The following NUP107 variants were observed in gnomAD, a reference collection of about 807,000 sequenced individuals.
NUP107 encodes the protein nucleoporin 107.
In NUP107, 101 loss-of-function variants were observed where a neutral mutation model predicts 141.0. The ratio of observed to expected loss-of-function variants is 0.72; its 90% confidence interval spans 0.61 to 0.84. NUP107 has a LOEUF of 0.84. Ranked by LOEUF, NUP107 falls within the 40% of genes least tolerant of loss-of-function variation. NUP107 has a pLI of 0.00. For missense variants in NUP107, 941 were observed against 1,102.7 expected, an observed-to-expected ratio of 0.85 and a Z score of 2.08; for synonymous variants, 319 against 363.9, an observed-to-expected ratio of 0.88 and a Z score of 1.41.
intron 1 of NUP107, chr12:68,687,686 A>T: frequency 1.0e-6 from 1 of 972,140 alleles, no homozygotes; most frequent in Non-Finnish European, 1.2e-6. Context: ...TTGAATAATA[A>T]GAGTACATTA....
chr12:68,706,972 T>C (rs1876613481), intron 8 of NUP107: 1 of 644,448 alleles, frequency 1.6e-6, no homozygotes, highest in African/African-American at 1.8e-5. Flanking sequence ...CGGGCTCCAG[T>C]TCCTTCAGCT....
intron 5 of NUP107, among the ~76,000 whole-genome samples, chr12:68,694,871 C>G (rs914013387): frequency 6.6e-6 from 1 of 152,162 alleles, no homozygotes; most frequent in Non-Finnish European, 1.5e-5. Context: ...ATTGCACCTC[C>G]ATCCTGGGCA....
intron 24 of NUP107, 75 bp downstream of exon 24, chr12:68,733,687 T>C (rs1877945169): frequency 6.8e-7 from 1 of 1,471,434 alleles, no homozygotes; most frequent in East Asian, 2.3e-5. Flanking sequence ...AGTTTGAACT[T>C]TTTTCTAGAA....
intron 15 of NUP107, 37 bp downstream of exon 15, chr12:68,721,214 G>T: frequency 7.3e-7 from 1 of 1,366,376 alleles, no homozygotes; most frequent in Non-Finnish European, 1.0e-6. Context: ...TTTTTTCTGT[G>T]GAGTAAAATT....
chr12:68,688,552 A>G (rs1392238125), intron 1 of NUP107, among the ~76,000 whole-genome samples: 1 of 152,146 alleles, frequency 6.6e-6, no homozygotes, highest in East Asian at 1.9e-4. Flanking sequence ...AATAGTACCC[A>G]TGGTTTAAAG....
intron 9 of NUP107, among the ~76,000 whole-genome samples, chr12:68,709,743 G>T (rs566417068): frequency 1.3e-5 from 2 of 152,104 alleles, no homozygotes; most frequent in East Asian, 1.9e-4. Context: ...AAAAAAATTA[G>T]CTGGGTGTGG....
intron 7 of NUP107, 87 bp downstream of exon 7, chr12:68,700,940 C>A: frequency 1.5e-6 from 2 of 1,328,084 alleles, no homozygotes; most frequent in Non-Finnish European, 2.0e-6. Context: ...GTAGGTCGTG[C>A]TTGGAAATAG....
rs757242634 is a variant in NUP107 at position 68,692,079 on chromosome 12, G to A, written c.415G>A (p.Val139Ile). 75 of 1,608,468 alleles carry A rather than the reference G, an allele frequency of 4.7e-5. No homozygotes were observed. Among genetic ancestry groups the A allele is most frequent in the Non-Finnish European group, 5.6e-5 (66 of 1,178,380 alleles). ...AACAGAAGATGTAACTATCAGTGCT[G>A]TTATGTTACGTGAGGATGATCCTGG... is the stretch of plus-strand genomic sequence containing the variant. Reference protein sequence around the residue: ...SITEDVTISAVMLREDDPGEA... With the variant: ...SITEDVTISAIMLREDDPGEA... The change falls in exon 5 of 28, where the codon GTT (valine) becomes ATT (isoleucine). Residue 139 changes from valine (V) to isoleucine (I), a missense_variant. Physicochemically the swap from Val to Ile is conservative, Grantham distance 29. Transcript: ENST00000229179.
At chr12:68,736,717 C>CTT (rs10713889) in intron 26 of NUP107, among the ~76,000 whole-genome samples, 18,337 of 105,666 alleles carry the variant, frequency 0.17, 1,958 homozygotes, top group Non-Finnish European at 0.22. Flanking sequence ...GTGTCGCCAC[C>CTT]TTTTTTTTTT....
chr12:68,735,581 A>G (rs981928683), intron 26 of NUP107, among the ~76,000 whole-genome samples: 2 of 152,226 alleles, frequency 1.3e-5, no homozygotes, highest in African/African-American at 4.8e-5. Flanking sequence ...TCTAATTTTT[A>G]AAAAATTCTG....
chr12:68,720,623 A>G (rs751082661), intron 14 of NUP107, among the ~76,000 whole-genome samples: 25 of 152,310 alleles, frequency 1.6e-4, no homozygotes, highest in Non-Finnish European at 2.2e-4. Flanking sequence ...TCTTGTTTGG[A>G]TGATAAGAAA....
chr12:68,688,544 T>G (rs1875616262), intron 1 of NUP107, among the ~76,000 whole-genome samples: 1 of 152,250 alleles, frequency 6.6e-6, no homozygotes, highest in African/African-American at 2.4e-5. Flanking sequence ...TGTTTTTTAA[T>G]AGTACCCATG....
chr12:68,715,512 A>C, intron 11 of NUP107, 115 bp from the exon 12 acceptor site: 1 of 674,494 alleles, frequency 1.5e-6, no homozygotes, highest in Non-Finnish European at 2.6e-6. Context: ...AAAAAGAAAA[A>C]ATGAATTTAT....
At chr12:68,707,731 A>G (rs2136015693) in intron 8 of NUP107, among the ~76,000 whole-genome samples, 1 of 152,298 alleles carries the variant, frequency 6.6e-6, no homozygotes, top group South Asian at 2.1e-4. Context: ...TAATCTAGAG[A>G]TGATTTTGTT....
At chr12:68,718,693 G>T (rs1275284079) in intron 12 of NUP107, among the ~76,000 whole-genome samples, 1 of 139,258 alleles carries the variant, frequency 7.2e-6, no homozygotes, top group Non-Finnish European at 1.7e-5. Context: ...ACGTTGGGAG[G>T]CTGAGGTAGG....
At chr12:68,714,346 T>C (rs1429880425) in intron 11 of NUP107, 6 of 152,138 alleles carry the variant, frequency 3.9e-5, no homozygotes, top group Admixed American at 3.9e-4. Flanking sequence ...TTGATGAAAA[T>C]TGTTTGGGAA....
intron 26 of NUP107, among the ~76,000 whole-genome samples, chr12:68,738,274 C>CAAAAAT (rs889024151): frequency 1.3e-5 from 2 of 151,458 alleles, no homozygotes; most frequent in Admixed American, 6.6e-5. Context: ...GACTCTGTCT[C>CAAAAAT]AAAAATAAAA....
rs908945706 is a variant in NUP107, at chr12:68,726,688, A to G, written c.1695+71A>G. ...ATATACCTATTGTCAAGAAAACACT[A>G]CTTTTTTTATTATTGTTTTCTAGAA... On this transcript the variant is annotated intron_variant, in intron 19 of 27. Transcript: ENST00000229179. 6.3e-5 allele frequency: 59 copies of G among 937,566 alleles called. No individual in the cohort carries two copies. The African/African-American group carries it at 9.1e-4, about 15-fold the overall frequency. The allele number at this position is 937,566 out of a possible 1,614,324, so 58.1% of individuals were successfully genotyped here.
In NUP107 at chr12:68,725,729, A is replaced by C; in HGVS notation, c.1509A>C (p.Arg503Ser). The change falls in exon 18 of 28, where the codon AGA becomes AGC. Residue 503 changes from arginine (R) to serine (S), a missense_variant and splice_region_variant. By Grantham distance (110) the Arg-to-Ser change is moderately radical. Transcript: ENST00000229179. Reference sequence around the variant, plus strand: ...AAAATTAAAAACTTTTTTTTCAGAGAGTTCTGGAAGAGAATCAAGAACATT... The same window carrying C: ...AAAATTAAAAACTTTTTTTTCAGAGCGTTCTGGAAGAGAATCAAGAACATT... ...FEELQATDKK[R>S]VLEENQEHYH... 1.3e-6 allele frequency: 2 copies of C among 1,498,336 alleles called. No individual in the cohort carries two copies. Among genetic ancestry groups the C allele is most frequent in the Non-Finnish European group, 1.8e-6 (2 of 1,098,296 alleles). The allele number at this position is 1,498,336 out of a possible 1,614,324, so 92.8% of individuals were successfully genotyped here.
Sources: gnomAD v4.1 joint callset for allele counts (sites outside exome capture counted in the v4.1 genomes callset) on GRCh38, gnomAD v4.1.1 for gene constraint, MANE v1.5 for transcripts, NCBI Gene and HGNC (gene_info 2026-07-23, HGNC 2026-07-21) for gene names.